The following GRM7 variants were observed in gnomAD, a reference collection of about 807,000 sequenced individuals.
GRM7 encodes metabotropic glutamate receptor 7.
A neutral mutation model predicts 84.5 loss-of-function variants in GRM7; 35 were observed. That is an observed-to-expected ratio of 0.41 (90% CI 0.32 to 0.55). The LOEUF is 0.55. Among genes scored for constraint, GRM7 ranks in the 20% least tolerant of loss-of-function variants. The probability of loss-of-function intolerance (pLI) is 0.19; values close to 1 mark genes in which losing one functional copy is unlikely to be tolerated. For missense variants in GRM7, 1,003 were observed against 1,194.6 expected (o/e 0.84, Z 2.36); for synonymous variants, 487 against 455.1 (o/e 1.07, Z -0.89).
intron 1 of GRM7, among the ~76,000 whole-genome samples, chr3:7,083,590 C>A (rs1016786237): frequency 2.0e-5 from 3 of 152,076 alleles, no homozygotes; most frequent in African/African-American, 7.2e-5. Context: ...TTTCTGTAGG[C>A]CTGCATTCAT....
At chr3:7,233,718 C>T (rs950836842) in intron 2 of GRM7, among the ~76,000 whole-genome samples, 3 of 152,020 alleles carry the variant, frequency 2.0e-5, no homozygotes, top group Non-Finnish European at 2.9e-5. Context: ...TTAGTTTGCA[C>T]GGAGTGTGAC....
At chr3:7,569,776 C>T (rs982985394) in intron 7 of GRM7, among the ~76,000 whole-genome samples, 6 of 152,082 alleles carry the variant, frequency 3.9e-5, no homozygotes, top group Non-Finnish European at 5.9e-5. Flanking sequence ...TAACACTCAC[C>T]GCGAAGGTCC....
intron 4 of GRM7, among the ~76,000 whole-genome samples, chr3:7,383,745 T>G (rs895785266): frequency 1.3e-5 from 2 of 152,162 alleles, no homozygotes; most frequent in African/African-American, 4.8e-5. Flanking sequence ...TGCATTCAAG[T>G]CATTCAAATA....
intron 2 of GRM7, among the ~76,000 whole-genome samples, chr3:7,202,592 A>C (rs547103536): frequency 1.8e-4 from 28 of 152,250 alleles, no homozygotes; most frequent in Middle Eastern, 3.4e-3. Flanking sequence ...CAACCTCCCA[A>C]AATGCTGGGA....
chr3:6,869,503 G>A (rs969819122), intron 1 of GRM7, among the ~76,000 whole-genome samples: 2 of 152,000 alleles, frequency 1.3e-5, no homozygotes, highest in Non-Finnish European at 2.9e-5. Flanking sequence ...TAGTAGTTAT[G>A]CTGGATTACA....
intron 1 of GRM7, among the ~76,000 whole-genome samples, chr3:7,057,792 T>C (rs1697279721): frequency 6.6e-6 from 1 of 151,926 alleles, no homozygotes; most frequent in African/African-American, 2.4e-5. Context: ...TTGGCACCTC[T>C]TCATATATCA....
At chr3:7,395,180 T>G (rs974459621) in intron 4 of GRM7, among the ~76,000 whole-genome samples, 6 of 152,184 alleles carry the variant, frequency 3.9e-5, no homozygotes, top group Non-Finnish European at 8.8e-5. Flanking sequence ...AAAATAGACT[T>G]TGAACAGCTC....
rs1177776132 is a variant in GRM7 at position 6,900,343 on chromosome 3, A to G, written c.519+38436A>G. ...ATTTGGACTGACTGGAGGGCGTGAAATCAGTTGTTTTAAAAGCACAATAAA... is the reference window on the plus strand; with the variant it reads ...ATTTGGACTGACTGGAGGGCGTGAAGTCAGTTGTTTTAAAAGCACAATAAA... On this transcript the variant is annotated intron_variant, in intron 1 of 9. Transcript: ENST00000357716. Among the ~76,000 whole-genome samples, 3 of 152,198 alleles carry G rather than the reference A, an allele frequency of 2.0e-5. No homozygotes were observed. In the East Asian group the frequency reaches 5.8e-4, roughly 29 times the overall value.
intron 7 of GRM7, among the ~76,000 whole-genome samples, chr3:7,533,872 G>A (rs1701137715): frequency 6.6e-6 from 1 of 152,128 alleles, no homozygotes; most frequent in Non-Finnish European, 1.5e-5. Flanking sequence ...ACTCATATCA[G>A]TAATTTTTTC....
intron 2 of GRM7, among the ~76,000 whole-genome samples, chr3:7,235,469 G>A (rs183351579): frequency 3.7e-4 from 57 of 152,204 alleles, no homozygotes; most frequent in African/African-American, 1.3e-3. Context: ...AGCACCCCTA[G>A]GTTCCCCATT....
intron 7 of GRM7, among the ~76,000 whole-genome samples, chr3:7,575,241 C>T (rs1229844420): frequency 6.6e-6 from 1 of 152,168 alleles, no homozygotes; most frequent in Non-Finnish European, 1.5e-5. Context: ...AAACCATAAA[C>T]CTTGGATGTC....
At chr3:7,172,749 A>T (rs1473263993) in intron 2 of GRM7, among the ~76,000 whole-genome samples, 1 of 152,114 alleles carries the variant, frequency 6.6e-6, no homozygotes, top group Admixed American at 6.5e-5. Context: ...GATTACATCC[A>T]GTGGTCCCAT....
intron 5 of GRM7, among the ~76,000 whole-genome samples, chr3:7,417,853 C>G (rs1399208076): frequency 6.6e-6 from 1 of 152,056 alleles, no homozygotes; most frequent in Non-Finnish European, 1.5e-5. Context: ...TAGACCAACA[C>G]TGAATCAGCC....
chr3:7,624,678 T>C (rs1697522545), intron 8 of GRM7, among the ~76,000 whole-genome samples: 1 of 152,150 alleles, frequency 6.6e-6, no homozygotes, highest in Admixed American at 6.6e-5. Flanking sequence ...TTTAATAATA[T>C]ATGGGAAGTG....
chr3:7,480,940 T>C (rs1575399901), intron 7 of GRM7, among the ~76,000 whole-genome samples: 1 of 152,282 alleles, frequency 6.6e-6, no homozygotes, highest in East Asian at 1.9e-4. Flanking sequence ...TAAAAGGAGA[T>C]ATTTAAAAAT....
intron 4 of GRM7, among the ~76,000 whole-genome samples, chr3:7,366,662 G>T (rs1034511011): frequency 5.9e-5 from 9 of 151,744 alleles, no homozygotes; most frequent in Non-Finnish European, 1.2e-4. Context: ...TTCCTACAGT[G>T]TCACTTATAT....
At chr3:7,094,076 TAG>T (rs1453165016) in intron 1 of GRM7, among the ~76,000 whole-genome samples, 1 of 152,182 alleles carries the variant, frequency 6.6e-6, no homozygotes, top group Non-Finnish European at 1.5e-5. Context: ...GGCACCATTC[TAG>T]GTACTAGAAA....
At chr3:7,477,331 C>T (rs1234675118) in intron 7 of GRM7, among the ~76,000 whole-genome samples, 1 of 152,104 alleles carries the variant, frequency 6.6e-6, no homozygotes, top group African/African-American at 2.4e-5. Flanking sequence ...AAAGCTCCAT[C>T]TTGTCTAAAG....
At chr3:7,035,087 A>G (rs1332982728) in intron 1 of GRM7, among the ~76,000 whole-genome samples, 1 of 152,002 alleles carries the variant, frequency 6.6e-6, no homozygotes, top group Admixed American at 6.6e-5. Flanking sequence ...TGCACTGGCT[A>G]CCTCTTTGGG....
Sources: allele counts gnomAD v4.1 joint callset (sites outside exome capture counted in the v4.1 genomes callset), GRCh38; gene constraint gnomAD v4.1.1; transcripts MANE v1.5; gene names NCBI Gene and HGNC (gene_info 2026-07-23, HGNC 2026-07-21).